Variants in NRXN1 observed in about 807,000 individuals in gnomAD.
NRXN1 encodes neurexin 1.
NRXN1 carries 39 observed loss-of-function variants against 150.9 expected under a neutral mutation model. That is an observed-to-expected ratio of 0.26 (90% CI 0.20 to 0.34). The LOEUF is 0.34. Among genes scored for constraint, NRXN1 ranks in the 10% least tolerant of loss-of-function variants. The pLI is 1.00. For missense variants in NRXN1, 1,815 were observed against 1,949.9 expected (o/e 0.93, Z 1.30); for synonymous variants, 924 against 757.0 (o/e 1.22, Z -3.62).
intron 17 of NRXN1, among the ~76,000 whole-genome samples, chr2:50,407,772 A>G (rs2082859438): frequency 6.6e-6 from 1 of 152,094 alleles, no homozygotes; most frequent in Non-Finnish European, 1.5e-5. Flanking sequence ...CTCACCAGAT[A>G]TGGTTCCTTG....
chr2:50,622,623 T>A (rs2104283351), intron 6 of NRXN1, among the ~76,000 whole-genome samples: 1 of 152,318 alleles, frequency 6.6e-6, no homozygotes, highest in Non-Finnish European at 1.5e-5. Context: ...GACCCACAGA[T>A]TTAGTAAATA....
At chr2:50,191,484 T>A (rs1559062220) in intron 18 of NRXN1, among the ~76,000 whole-genome samples, 1 of 152,318 alleles carries the variant, frequency 6.6e-6, no homozygotes, top group South Asian at 2.1e-4. Context: ...TTTTATCATA[T>A]GTGTAGATAT....
intron 2 of NRXN1, among the ~76,000 whole-genome samples, chr2:50,987,002 C>T (rs1298419110): frequency 6.6e-6 from 1 of 151,812 alleles, no homozygotes; most frequent in African/African-American, 2.4e-5. Context: ...TTTCACAATA[C>T]ATTTCTATAT....
chr2:49,945,151 TCTTA>T (rs1234415354), intron 21 of NRXN1: 2 of 152,184 alleles, frequency 1.3e-5, no homozygotes, highest in South Asian at 2.1e-4. Context: ...GTTACTCTGC[TCTTA>T]CTTCTTCTGA....
chr2:50,840,487 T>C (rs1229693457), intron 5 of NRXN1, among the ~76,000 whole-genome samples: 9 of 152,094 alleles, frequency 5.9e-5, no homozygotes, highest in African/African-American at 1.9e-4. Flanking sequence ...AGAGAGATTA[T>C]GACAATGAAA....
At chr2:50,984,070 C>T (rs1370597132) in intron 2 of NRXN1, among the ~76,000 whole-genome samples, 2 of 150,948 alleles carry the variant, frequency 1.3e-5, no homozygotes, top group Non-Finnish European at 2.9e-5. Context: ...TGGGTTCAAG[C>T]AATCCTCCCT....
chr2:50,607,516 T>A (rs1171592878), intron 8 of NRXN1, among the ~76,000 whole-genome samples: 1 of 152,204 alleles, frequency 6.6e-6, no homozygotes, highest in Non-Finnish European at 1.5e-5. Flanking sequence ...TAAGCCATTA[T>A]ATTACAAAGT....
intron 5 of NRXN1, among the ~76,000 whole-genome samples, chr2:50,679,709 A>C (rs918801030): frequency 7.9e-5 from 12 of 152,214 alleles, no homozygotes; most frequent in Non-Finnish European, 1.5e-4. Context: ...ATGTATATGA[A>C]GAAAATGCAC....
chr2:50,815,937 G>T (rs1205092223), intron 5 of NRXN1, among the ~76,000 whole-genome samples: 1 of 152,080 alleles, frequency 6.6e-6, no homozygotes, highest in East Asian at 1.9e-4. Flanking sequence ...AAATAAATTA[G>T]CTCATATTCT....
intron 2 of NRXN1, among the ~76,000 whole-genome samples, chr2:50,926,954 G>A (rs1256655986): frequency 3.3e-5 from 5 of 151,726 alleles, no homozygotes; most frequent in African/African-American, 4.8e-5. Flanking sequence ...TTTGAGACTC[G>A]GGGCCTGCAA....
At chr2:50,899,065 G>A (rs563683396) in intron 5 of NRXN1, among the ~76,000 whole-genome samples, 2 of 152,240 alleles carry the variant, frequency 1.3e-5, no homozygotes, top group African/African-American at 4.8e-5. Flanking sequence ...TGGAGCATTT[G>A]CCGAAGAACT....
At chr2:50,605,217 T>G (rs1037713738) in intron 8 of NRXN1, among the ~76,000 whole-genome samples, 3 of 152,244 alleles carry the variant, frequency 2.0e-5, no homozygotes, top group African/African-American at 7.2e-5. Flanking sequence ...CCAATTATGT[T>G]GTGGTCATTG....
At chr2:50,599,643 A>G (rs939540049) in intron 8 of NRXN1, among the ~76,000 whole-genome samples, 5 of 152,224 alleles carry the variant, frequency 3.3e-5, no homozygotes, top group Admixed American at 3.3e-4. Context: ...ATATAAGTCA[A>G]TATCCCAGAA....
At chr2:50,247,914 C>T (rs576050402) in intron 17 of NRXN1, among the ~76,000 whole-genome samples, 21 of 152,108 alleles carry the variant, frequency 1.4e-4, no homozygotes, top group Non-Finnish European at 2.9e-4. Flanking sequence ...AGTGAAGACA[C>T]AAGAAGGCTC....
intron 18 of NRXN1, among the ~76,000 whole-genome samples, chr2:50,111,012 T>C (rs1452369944): frequency 6.6e-6 from 1 of 152,178 alleles, no homozygotes; most frequent in African/African-American, 2.4e-5. Context: ...TTTTATTTGA[T>C]TATTTAAAAC....
chr2:49,961,211 G>T (rs1675877827), intron 21 of NRXN1, among the ~76,000 whole-genome samples: 1 of 151,824 alleles, frequency 6.6e-6, no homozygotes, highest in Non-Finnish European at 1.5e-5. Flanking sequence ...TTTTGTTACT[G>T]ACTGAACCCT....
At chr2:50,567,353 C>T (rs1305926104) in intron 8 of NRXN1, among the ~76,000 whole-genome samples, 1 of 152,104 alleles carries the variant, frequency 6.6e-6, no homozygotes, top group Non-Finnish European at 1.5e-5. Context: ...GTACTAACCA[C>T]ACGTAGACTG....
At chr2:50,156,421 T>A (rs890138067) in intron 18 of NRXN1, among the ~76,000 whole-genome samples, 1 of 151,916 alleles carries the variant, frequency 6.6e-6, no homozygotes, top group African/African-American at 2.4e-5. Flanking sequence ...GTAATCATTG[T>A]TTGACTTTTC....
At chr2:50,926,903 TTTAA>T (rs1388724973) in intron 2 of NRXN1, among the ~76,000 whole-genome samples, 1 of 151,864 alleles carries the variant, frequency 6.6e-6, no homozygotes, top group Non-Finnish European at 1.5e-5. Flanking sequence ...ATATATAAGG[TTTAA>T]AGTATTATTA....
Sources: gnomAD v4.1 joint callset for allele counts (sites outside exome capture counted in the v4.1 genomes callset) on GRCh38, gnomAD v4.1.1 for gene constraint, MANE v1.5 for transcripts, NCBI Gene and HGNC (gene_info 2026-07-23, HGNC 2026-07-21) for gene names.